The following MACC1 variants were observed in gnomAD, a reference collection of about 807,000 sequenced individuals.
The protein encoded by MACC1 is metastasis-associated in colon cancer protein 1.
In MACC1, 79 loss-of-function variants were observed where a neutral mutation model predicts 70.7. The ratio of observed to expected loss-of-function variants is 1.12; its 90% CI spans 0.93 to 1.35. The LOEUF (loss-of-function observed/expected upper bound fraction) is 1.35. MACC1 is among the 40% of genes most tolerant of loss of function. MACC1 has a pLI of 0.00. For missense variants in MACC1, 1,106 were observed against 978.1 expected (o/e 1.13, Z -1.74); for synonymous variants, 361 against 347.2 (o/e 1.04, Z -0.44).
chr7:20,182,639 C>T (rs1396489284), intron 1 of MACC1, among the ~76,000 whole-genome samples: 5 of 152,090 alleles, frequency 3.3e-5, no homozygotes, highest in Admixed American at 6.5e-5. Flanking sequence ...ACAAACAGTG[C>T]GAAGAGTTGC....
At chr7:20,145,214 C>T (rs563367567) in intron 6 of MACC1, among the ~76,000 whole-genome samples, 1 of 152,296 alleles carries the variant, frequency 6.6e-6, no homozygotes, top group South Asian at 2.1e-4. Context: ...TTTTCTGTTA[C>T]CTCCACTGCT....
At position 20,159,521 on chromosome 7, in the gene MACC1, G is replaced by T; in HGVS notation, c.840C>A (p.Leu280=). 6.2e-7 allele frequency: 1 copy of T among 1,614,062 alleles called. No individual in the cohort carries two copies. The highest frequency in any genetic ancestry group is 8.5e-7 in the Non-Finnish European group (1 of 1,180,010). Residue 280 remains leucine, a synonymous_variant, in exon 5 of 7, where the codon CTC becomes CTA. Coordinates refer to ENST00000400331, the MANE Select transcript of MACC1 (RefSeq NM_182762.4). ...CCAGCAAAAGGGCTTCCATTGTATT[G>T]AGGTTGCCTAACATGATTTCCAACA... ...SPLLEIMLGN[L]NTMEALLLEM...
At chr7:20,190,916 T>G (rs936142044) in intron 1 of MACC1, among the ~76,000 whole-genome samples, 1 of 152,244 alleles carries the variant, frequency 6.6e-6, no homozygotes. Flanking sequence ...ATTGTTACTA[T>G]GTACACAGAG....
intron 1 of MACC1, among the ~76,000 whole-genome samples, chr7:20,192,702 T>C (rs1042748283): frequency 2.0e-5 from 3 of 152,226 alleles, no homozygotes; most frequent in Non-Finnish European, 1.5e-5. Context: ...GTTTGCTATA[T>C]AGCAATAGAT....
chr7:20,215,324 G>C (rs890276074), intron 1 of MACC1, among the ~76,000 whole-genome samples: 1 of 152,108 alleles, frequency 6.6e-6, no homozygotes, highest in African/African-American at 2.4e-5. Flanking sequence ...GTTTCTTCTA[G>C]CCTCTAAACC....
At chr7:20,173,234 TA>T (rs1459748191) in intron 1 of MACC1, among the ~76,000 whole-genome samples, 2 of 152,190 alleles carry the variant, frequency 1.3e-5, no homozygotes, top group African/African-American at 4.8e-5. Flanking sequence ...CTTTGTTTTC[TA>T]AAAACATATT....
Position 20,138,735 on chromosome 7 carries a change from T to C in MACC1, c.*2211A>G, listed in dbSNP as rs1265911481. 2 of 151,944 alleles carry C rather than the reference T, an allele frequency of 1.3e-5. No individual in the cohort carries two copies. The highest frequency in any genetic ancestry group is 4.8e-5 in the African/African-American group (2 of 41,344). 9.4% of individuals were successfully genotyped at this position (151,944 alleles called of 1,614,324 possible). ...TCACCCAGGCTGGAGTGCAGTGGCA[T>C]GAACTCGGCTCACTGCAAGCTCCGC... On this transcript the variant is annotated 3_prime_UTR_variant, in exon 7 of 7. Transcript: ENST00000400331.
chr7:20,169,380 C>T (rs17142523), intron 2 of MACC1, among the ~76,000 whole-genome samples: 1,935 of 152,242 alleles, frequency 0.013, 41 homozygotes, highest in African/African-American at 0.044. Context: ...GTGCAAAAAA[C>T]GTGTTCTGGG....
intron 1 of MACC1, among the ~76,000 whole-genome samples, chr7:20,180,279 C>T (rs949135038): frequency 2.0e-5 from 3 of 151,094 alleles, no homozygotes; most frequent in African/African-American, 7.3e-5. Flanking sequence ...CCCGTCTCTA[C>T]TAAAAACACA....
At chr7:20,208,227 G>A (rs1782942968) in intron 1 of MACC1, among the ~76,000 whole-genome samples, 1 of 152,218 alleles carries the variant, frequency 6.6e-6, no homozygotes, top group Non-Finnish European at 1.5e-5. Context: ...ATTGGTACAA[G>A]AAGTGAGGTG....
At chr7:20,149,475 T>C (rs1011183561) in intron 6 of MACC1, among the ~76,000 whole-genome samples, 1 of 152,200 alleles carries the variant, frequency 6.6e-6, no homozygotes, top group African/African-American at 2.4e-5. Flanking sequence ...AAGATAGTAT[T>C]ATTCTCCTTA....
At chr7:20,205,936 C>A (rs1782904999) in intron 1 of MACC1, among the ~76,000 whole-genome samples, 1 of 152,102 alleles carries the variant, frequency 6.6e-6, no homozygotes, top group African/African-American at 2.4e-5. Flanking sequence ...ATCAATATAT[C>A]TCTTCTTCCT....
rs754365603 is a variant in MACC1, at chr7:20,159,619, C to A, written c.742G>T (p.Glu248Ter). The A allele has an allele frequency of 6.2e-7, 1 of 1,613,904 alleles. No individual in the cohort carries two copies. Among genetic ancestry groups the A allele is most frequent in the Non-Finnish European group, 8.5e-7 (1 of 1,180,040 alleles). Residue 248 changes from glutamate (E) to a stop codon, truncating the protein, a stop_gained, in exon 5 of 7, where the codon GAG (glutamate) becomes TAG (stop). Coordinates refer to ENST00000400331, the MANE Select transcript of MACC1 (RefSeq NM_182762.4). LOFTEE classifies it high-confidence loss of function. ...QGHVAVGEFQ[E>*]VSLRAFLDPP... The stretch of plus-strand genomic sequence containing the variant: ...TCAAGGAAAGCCCTTAGAGACACCT[C>A]TTGGAATTCTCCCACAGCCACATGA...
intron 1 of MACC1, among the ~76,000 whole-genome samples, chr7:20,190,676 G>A (rs1008794133): frequency 1.3e-5 from 2 of 151,388 alleles, no homozygotes; most frequent in East Asian, 1.9e-4. Flanking sequence ...TTTATCAAAC[G>A]AAAAAAAATG....
rs1447085182 is a variant in MACC1, at chr7:20,134,664, T to G, written c.*6282A>C. 1 of 152,238 alleles carries G rather than the reference T, an allele frequency of 6.6e-6. No individual in the cohort carries two copies. Among genetic ancestry groups the G allele is most frequent in the African/African-American group, 2.4e-5 (1 of 41,460 alleles). 9.4% of individuals were successfully genotyped at this position (152,238 alleles called of 1,614,324 possible). ...TAATCATAACTAAAGATTTGATTTT[T>G]CAATGACTCACTCTATTTTCATGAA... is the stretch of plus-strand genomic sequence containing the variant. On this transcript the variant is annotated 3_prime_UTR_variant, in exon 7 of 7. Coordinates refer to ENST00000400331, the MANE Select transcript of MACC1 (RefSeq NM_182762.4).
intron 1 of MACC1, among the ~76,000 whole-genome samples, chr7:20,186,684 A>G (rs1252588922): frequency 6.6e-6 from 1 of 152,130 alleles, no homozygotes; most frequent in East Asian, 1.9e-4. Context: ...AGGAAGAATG[A>G]ACTTATAAAA....
At chr7:20,190,395 T>C (rs1456067006) in intron 1 of MACC1, among the ~76,000 whole-genome samples, 4 of 152,236 alleles carry the variant, frequency 2.6e-5, no homozygotes, top group Non-Finnish European at 4.4e-5. Flanking sequence ...AGCATTTGTA[T>C]GATATCTAAT....
chr7:20,172,087 A>G (rs1406564990), intron 1 of MACC1, among the ~76,000 whole-genome samples: 1 of 152,230 alleles, frequency 6.6e-6, no homozygotes, highest in Non-Finnish European at 1.5e-5. Context: ...GTCAACCCTA[A>G]TATCTAGTTC....
intron 1 of MACC1, among the ~76,000 whole-genome samples, chr7:20,174,567 T>C (rs1782364466): frequency 6.6e-6 from 1 of 152,080 alleles, no homozygotes; most frequent in African/African-American, 2.4e-5. Context: ...CTTGCAGAGT[T>C]TTTTAATAAA....
Sources: gnomAD v4.1 joint callset for allele counts (sites outside exome capture counted in the v4.1 genomes callset) on GRCh38, gnomAD v4.1.1 for gene constraint, MANE v1.5 for transcripts, NCBI Gene and HGNC (gene_info 2026-07-23, HGNC 2026-07-21) for gene names.